The following COMMD10 variants were observed in gnomAD, a reference collection of about 807,000 sequenced individuals.
COMMD10 encodes COMM domain-containing protein 10.
COMMD10 carries 33 observed loss-of-function variants against 28.9 expected under a neutral mutation model. That is an observed-to-expected ratio of 1.14 (90% CI 0.87 to 1.53). COMMD10 has a LOEUF of 1.53. COMMD10 is among the 40% of genes most tolerant of loss of function. COMMD10 has a pLI of 0.00. For missense variants in COMMD10, 310 were observed against 233.4 expected (o/e 1.33, Z -2.14); for synonymous variants, 110 against 81.7 (o/e 1.35, Z -1.87).
At chr5:116,196,642 AG>A (rs201349518) in intron 5 of COMMD10, among the ~76,000 whole-genome samples, 199 of 152,014 alleles carry the variant, frequency 1.3e-3, no homozygotes, top group African/African-American at 4.6e-3. Flanking sequence ...TTTTAAAAAA[AG>A]AAAAATGTTT....
intron 5 of COMMD10, among the ~76,000 whole-genome samples, chr5:116,173,709 C>G (rs1295119810): frequency 6.6e-6 from 1 of 152,082 alleles, no homozygotes; most frequent in East Asian, 1.9e-4. Context: ...AATTATCCAC[C>G]TGCTCTAGAT....
chr5:116,170,529 A>G (rs1430388464), intron 5 of COMMD10, among the ~76,000 whole-genome samples: 1 of 152,178 alleles, frequency 6.6e-6, no homozygotes, highest in Non-Finnish European at 1.5e-5. Context: ...TATAGCCAAG[A>G]CAATCCTAAG....
At chr5:116,153,594 T>C (rs564455208) in intron 5 of COMMD10, among the ~76,000 whole-genome samples, 1 of 152,198 alleles carries the variant, frequency 6.6e-6, no homozygotes, top group South Asian at 2.1e-4. Context: ...GGCTTTTATG[T>C]TTTTTTCTCA....
At chr5:116,109,763 A>G (rs191279571) in intron 4 of COMMD10, among the ~76,000 whole-genome samples, 1 of 152,192 alleles carries the variant, frequency 6.6e-6, no homozygotes, top group African/African-American at 2.4e-5. Flanking sequence ...CATTTATTAA[A>G]TCTAAGAATT....
intron 5 of COMMD10, among the ~76,000 whole-genome samples, chr5:116,145,627 C>T (rs140692319): frequency 2.6e-4 from 39 of 151,866 alleles, no homozygotes; most frequent in Admixed American, 7.9e-4. Flanking sequence ...TGTGTCTGCA[C>T]CCAGATCTCA....
chr5:116,240,230 A>G (rs1749776323), intron 5 of COMMD10, among the ~76,000 whole-genome samples: 1 of 152,102 alleles, frequency 6.6e-6, no homozygotes, highest in Non-Finnish European at 1.5e-5. Context: ...GGAAGACGTA[A>G]CAAAAAAGAA....
chr5:116,161,611 T>C (rs1428038233), intron 5 of COMMD10, among the ~76,000 whole-genome samples: 3 of 151,980 alleles, frequency 2.0e-5, no homozygotes, highest in Non-Finnish European at 2.9e-5. Flanking sequence ...ATTTTAGCAA[T>C]AGAGTAAGTT....
At chr5:116,120,451 G>A (rs544604389) in intron 4 of COMMD10, among the ~76,000 whole-genome samples, 1 of 152,082 alleles carries the variant, frequency 6.6e-6, no homozygotes, top group South Asian at 2.1e-4. Context: ...CACTGCTACA[G>A]AACTTACCCA....
chr5:116,089,501 A>ATG (rs1437718334), intron 2 of COMMD10, among the ~76,000 whole-genome samples: 2 of 152,254 alleles, frequency 1.3e-5, no homozygotes, highest in East Asian at 3.8e-4. Context: ...AGAAACTCTT[A>ATG]TACATGTCTT....
At chr5:116,273,490 A>T (rs370797138) in intron 5 of COMMD10, among the ~76,000 whole-genome samples, 1 of 151,874 alleles carries the variant, frequency 6.6e-6, no homozygotes, top group Non-Finnish European at 1.5e-5. Flanking sequence ...TTCAAGTTCA[A>T]AATTATTATT....
chr5:116,164,800 G>C (rs1053433729), intron 5 of COMMD10, among the ~76,000 whole-genome samples: 2 of 152,124 alleles, frequency 1.3e-5, no homozygotes, highest in African/African-American at 4.8e-5. Context: ...TCTTAGGGGG[G>C]TTGTGTTGCA....
At chr5:116,220,015 T>C (rs941388926) in intron 5 of COMMD10, among the ~76,000 whole-genome samples, 1 of 152,144 alleles carries the variant, frequency 6.6e-6, no homozygotes, top group Admixed American at 6.6e-5. Context: ...TAAGGTTATA[T>C]GTTAAATTGT....
chr5:116,182,154 TAAGAG>T (rs1473182307), intron 5 of COMMD10, among the ~76,000 whole-genome samples: 1 of 152,012 alleles, frequency 6.6e-6, no homozygotes, highest in Admixed American at 6.6e-5. Flanking sequence ...CTAGGTCTGT[TAAGAG>T]GAGGGAGGCG....
At chr5:116,130,744 C>G (rs1196571424) in intron 4 of COMMD10, among the ~76,000 whole-genome samples, 1 of 151,986 alleles carries the variant, frequency 6.6e-6, no homozygotes, top group African/African-American at 2.4e-5. Context: ...GTAACACAGT[C>G]TTGATTAACA....
At chr5:116,265,164 A>G (rs572226832) in intron 5 of COMMD10, among the ~76,000 whole-genome samples, 4 of 151,928 alleles carry the variant, frequency 2.6e-5, no homozygotes, top group East Asian at 3.9e-4. Context: ...AGAAATTGCA[A>G]TTTAATACTA....
chr5:116,116,812 G>C (rs114533393), intron 4 of COMMD10, among the ~76,000 whole-genome samples: 3,964 of 150,724 alleles, frequency 0.026, 61 homozygotes, highest in East Asian at 0.043. Context: ...TCCGCTTCCC[G>C]GGTTCACGCC....
chr5:116,273,869 T>G (rs577016964), intron 5 of COMMD10, among the ~76,000 whole-genome samples: 1 of 151,780 alleles, frequency 6.6e-6, no homozygotes, highest in East Asian at 1.9e-4. Flanking sequence ...CATTTATTAT[T>G]AATAAACTAC....
intron 6 of COMMD10, among the ~76,000 whole-genome samples, chr5:116,292,047 A>T (rs1333159180): frequency 1.3e-5 from 2 of 151,914 alleles, no homozygotes; most frequent in Admixed American, 6.6e-5. Context: ...TTCTTCTGCC[A>T]GTGTACTGCC....
At chr5:116,131,779 GC>G (rs1273027610) in intron 4 of COMMD10, among the ~76,000 whole-genome samples, 1 of 151,990 alleles carries the variant, frequency 6.6e-6, no homozygotes, top group Non-Finnish European at 1.5e-5. Context: ...GATGCAGAGT[GC>G]TGAGGGAACA....
Sources: allele counts gnomAD v4.1 joint callset (sites outside exome capture counted in the v4.1 genomes callset), GRCh38; gene constraint gnomAD v4.1.1; transcripts MANE v1.5; gene names NCBI Gene and HGNC (gene_info 2026-07-23, HGNC 2026-07-21).